Variants in RSPH14 observed in about 807,000 individuals in gnomAD.
RSPH14 encodes the protein rhabdoid tumor deletion region gene 1.
Under a neutral mutation model 26.7 loss-of-function variants are expected in RSPH14, and 20 were observed. That is an observed-to-expected ratio of 0.75 (90% CI 0.53 to 1.09). The LOEUF (loss-of-function observed/expected upper bound fraction) is 1.09, where lower values mean the gene tolerates loss of function less well. Ranked by LOEUF, RSPH14 falls within the 50% of genes least tolerant of loss-of-function variation. The pLI is 0.00. For synonymous variants in RSPH14, 177 were observed against 189.3 expected, an observed-to-expected ratio of 0.93 and a Z score of 0.53; for missense variants, 449 against 457.2, an observed-to-expected ratio of 0.98 and a Z score of 0.16.
chr22:23,084,498 A>G (rs1468243779), intron 4 of RSPH14, among the ~76,000 whole-genome samples: 1 of 152,220 alleles, frequency 6.6e-6, no homozygotes, highest in Non-Finnish European at 1.5e-5. Context: ...ATCCTAAGTC[A>G]AGGAGCATCT....
chr22:23,079,575 A>C (rs1225183257), intron 4 of RSPH14, among the ~76,000 whole-genome samples: 1 of 152,156 alleles, frequency 6.6e-6, no homozygotes, highest in African/African-American at 2.4e-5. Flanking sequence ...GGGAGCAAAC[A>C]TGAGAAGGTT....
chr22:23,098,262 C>T (rs1022529343), intron 4 of RSPH14, among the ~76,000 whole-genome samples: 2 of 152,254 alleles, frequency 1.3e-5, no homozygotes, highest in East Asian at 1.9e-4. Context: ...CCCTGCCTCT[C>T]GTACCCCTGC....
chr22:23,177,468 A>T, the RSPH14 span, among the ~76,000 whole-genome samples: 4 of 152,124 alleles, frequency 2.6e-5, no homozygotes, highest in Admixed American at 6.5e-5. Flanking sequence ...CAAGACAAAC[A>T]GGTCTGTGAC....
chr22:23,094,987 G>A (rs1042867193), intron 4 of RSPH14, among the ~76,000 whole-genome samples: 4 of 152,210 alleles, frequency 2.6e-5, no homozygotes, highest in Admixed American at 1.3e-4. Flanking sequence ...GGGCTGGGTG[G>A]GCAGAGGCCT....
intron 4 of RSPH14, among the ~76,000 whole-genome samples, chr22:23,126,407 G>A (rs2070182884): frequency 6.6e-6 from 1 of 152,156 alleles, no homozygotes; most frequent in Admixed American, 6.5e-5. Context: ...TTCCGCTCTT[G>A]CCCCCAATGA....
intron 4 of RSPH14, among the ~76,000 whole-genome samples, chr22:23,093,478 C>T (rs962559679): frequency 6.6e-6 from 1 of 152,174 alleles, no homozygotes; most frequent in African/African-American, 2.4e-5. Context: ...GTAGGGGCGA[C>T]GGCAGCACAC....
chr22:23,156,297 T>C, the RSPH14 span: 1 of 382,196 alleles, frequency 2.6e-6, no homozygotes, highest in Non-Finnish European at 4.9e-6. Flanking sequence ...CTCATAAAGA[T>C]GCTCAGAGAT....
intron 4 of RSPH14, chr22:23,124,350 G>A: frequency 2.3e-6 from 1 of 433,300 alleles, no homozygotes; most frequent in Non-Finnish European, 4.9e-6. Flanking sequence ...TTTTGTGTCT[G>A]GCTTGCTGAG....
chr22:23,103,747 G>A lies in RSPH14; in HGVS notation c.421+30279C>T, dbSNP rs577896545. 1.8e-3 allele frequency among the ~76,000 whole-genome samples: 270 copies of A among 152,328 alleles called. 1 individual carries two copies. The highest frequency in any genetic ancestry group is 4.9e-3 in the African/African-American group (202 of 41,562). On this transcript the variant is annotated intron_variant, in intron 4 of 6. Coordinates refer to ENST00000216036, the MANE Select transcript of RSPH14 (RefSeq NM_014433.3). ...AGTCCTTGTTCACCCAGTATGTGTGGGCCCTGGGCCTGACAAACTCAGTCT... is the reference window on the plus strand; with the variant it reads ...AGTCCTTGTTCACCCAGTATGTGTGAGCCCTGGGCCTGACAAACTCAGTCT...
intron 4 of RSPH14, among the ~76,000 whole-genome samples, chr22:23,068,327 G>A (rs1369302847): frequency 2.0e-5 from 3 of 152,256 alleles, no homozygotes; most frequent in African/African-American, 7.2e-5. Flanking sequence ...CAGAGCCCCA[G>A]TGGGTCTCCT....
chr22:23,113,379 A>G (rs10427854), intron 4 of RSPH14, among the ~76,000 whole-genome samples: 1 of 152,064 alleles, frequency 6.6e-6, no homozygotes, highest in Non-Finnish European at 1.5e-5. Flanking sequence ...ACTGGCTCCC[A>G]GCTGCTGCCA....
At chr22:23,144,653 G>A (rs1601874351), upstream of RSPH14, among the ~76,000 whole-genome samples, 1 of 149,804 alleles carries the variant, frequency 6.7e-6, no homozygotes, top group South Asian at 2.1e-4. Flanking sequence ...AGGAGTTCGA[G>A]TCCAGCCTGG....
At chr22:23,089,830 G>C (rs540828585) in intron 4 of RSPH14, among the ~76,000 whole-genome samples, 103 of 152,264 alleles carry the variant, frequency 6.8e-4, no homozygotes, top group African/African-American at 2.4e-3. Context: ...TTGGGTAGGT[G>C]AGTCAAGGAC....
At chr22:23,145,984 C>G (rs753988100), upstream of RSPH14, 569 of 985,328 alleles carry the variant, frequency 5.8e-4, no homozygotes, top group Non-Finnish European at 6.6e-4. Context: ...CCCCTCCCCA[C>G]TCTACTTCCA....
the RSPH14 span, chr22:23,160,836 G>A: frequency 8.8e-6 from 14 of 1,594,208 alleles, no homozygotes; most frequent in African/African-American, 1.6e-4. Flanking sequence ...TAAGGGGCAA[G>A]GAGAAACACT....
chr22:23,089,180 G>A (rs1262333719), intron 4 of RSPH14, among the ~76,000 whole-genome samples: 1 of 152,176 alleles, frequency 6.6e-6, no homozygotes, highest in Non-Finnish European at 1.5e-5. Context: ...TGAGGGAGCT[G>A]GTCTATAAGC....
intron 3 of RSPH14, among the ~76,000 whole-genome samples, chr22:23,135,227 A>G (rs1395111827): frequency 6.6e-6 from 1 of 150,876 alleles, no homozygotes; most frequent in Non-Finnish European, 1.5e-5. Flanking sequence ...TAATCCCAGC[A>G]CTTTGGAAGG....
At chr22:23,177,131 T>C in the RSPH14 span, among the ~76,000 whole-genome samples, 1 of 152,202 alleles carries the variant, frequency 6.6e-6, no homozygotes, top group Admixed American at 6.5e-5. Flanking sequence ...TCCTACTGCC[T>C]ACACCAGCCT....
rs143771822 is a variant in RSPH14, at chr22:23,113,101, C to T, written c.421+20925G>A. On this transcript the variant is annotated intron_variant, in intron 4 of 6. Transcript: ENST00000216036. Reference sequence around the variant, plus strand: ...GCTAGCACCCTGCCCCTGCGGCTGACCCTGGCCAGGAAGACACATGTTAGA... The same window carrying T: ...GCTAGCACCCTGCCCCTGCGGCTGATCCTGGCCAGGAAGACACATGTTAGA... 4.4e-3 allele frequency among the ~76,000 whole-genome samples: 677 copies of T among 152,230 alleles called. 7 individuals carry two copies. The highest frequency in any genetic ancestry group is 0.016 in the African/African-American group (644 of 41,516).
Sources: allele counts gnomAD v4.1 joint callset (sites outside exome capture counted in the v4.1 genomes callset), GRCh38; gene constraint gnomAD v4.1.1; transcripts MANE v1.5; gene names NCBI Gene and HGNC (gene_info 2026-07-23, HGNC 2026-07-21).